Variants in DUSP10 observed in about 807,000 individuals in gnomAD.
DUSP10 encodes the protein dual specificity phosphatase 10, also known as dual specificity protein phosphatase 10.
In DUSP10, 14 loss-of-function variants were observed where a neutral mutation model predicts 30.8. That is an observed-to-expected ratio of 0.46 (90% CI 0.30 to 0.71). DUSP10 has a LOEUF of 0.71. Ranked by LOEUF, DUSP10 falls within the 30% of genes least tolerant of loss-of-function variation. DUSP10 has a pLI of 0.08. For synonymous variants in DUSP10, 254 were observed against 250.4 expected, an observed-to-expected ratio of 1.01 and a Z score of -0.14; for missense variants, 550 against 619.4, an observed-to-expected ratio of 0.89 and a Z score of 1.19.
At chr1:221,741,354 G>A (rs1661948010) in intron 1 of DUSP10, among the ~76,000 whole-genome samples, 1 of 152,174 alleles carries the variant, frequency 6.6e-6, no homozygotes. Flanking sequence ...TGAGAGGGAC[G>A]CATAAGCGTG....
chr1:221,727,199 T>C (rs1024699703), intron 2 of DUSP10, among the ~76,000 whole-genome samples: 1 of 152,150 alleles, frequency 6.6e-6, no homozygotes, highest in African/African-American at 2.4e-5. Flanking sequence ...ATAAACTGAA[T>C]ACAAATATAA....
At chr1:221,718,356 C>T (rs139962378) in intron 2 of DUSP10, among the ~76,000 whole-genome samples, 214 of 152,262 alleles carry the variant, frequency 1.4e-3, no homozygotes, top group Non-Finnish European at 2.5e-3. Flanking sequence ...TGGAGACATT[C>T]TGCGTACTGG....
Position 221,739,478 on chromosome 1 carries a change from G to A in DUSP10, c.267C>T (p.Asp89=). The A allele has an allele frequency of 6.2e-7, 1 of 1,614,172 alleles. No homozygotes were observed. Among genetic ancestry groups the A allele is most frequent in the Non-Finnish European group, 8.5e-7 (1 of 1,180,036 alleles). The part of the protein sequence containing the change: ...SCCTVATYDK[D]NQAQTQAIAA... ...CAATGGCTTGGGTTTGGGCCTGATT[G>A]TCCTTGTCGTAGGTTGCCACAGTGC... The change falls in exon 2 of 4, where the codon GAC becomes GAT. Residue 89 remains aspartate (D), a synonymous_variant. Coordinates refer to ENST00000366899, the MANE Select transcript of DUSP10 (RefSeq NM_007207.6).
chr1:221,717,747 G>C (rs748465923), intron 2 of DUSP10, among the ~76,000 whole-genome samples: 3 of 152,114 alleles, frequency 2.0e-5, no homozygotes, highest in Non-Finnish European at 4.4e-5. Context: ...TGCCTTGTGA[G>C]GGCACAGCAA....
Position 221,701,548 on chromosome 1 carries a change from T to C in DUSP10, c.*864A>G, listed in dbSNP as rs1660606010. 1 of 139,074 alleles carries C rather than the reference T, an allele frequency of 7.2e-6. No individual in the cohort carries two copies. Among genetic ancestry groups the C allele is most frequent in the Non-Finnish European group, 1.5e-5 (1 of 65,130 alleles). 8.6% of individuals were successfully genotyped at this position (139,074 alleles called of 1,614,324 possible). A position where few individuals can be genotyped will look rare whatever the true frequency, so the allele number is the denominator to read the frequency against. On this transcript the variant is annotated 3_prime_UTR_variant, in exon 4 of 4. Coordinates refer to ENST00000366899, the MANE Select transcript of DUSP10 (RefSeq NM_007207.6). ...TTTTTCTTACATTCTGATATACATA[T>C]GTAACAAGGTTTATGGCACTGTAAC...
intron 3 of DUSP10, among the ~76,000 whole-genome samples, chr1:221,703,113 T>G (rs980243590): frequency 1.3e-5 from 2 of 151,264 alleles, no homozygotes; most frequent in Admixed American, 6.6e-5. Context: ...AAAAAAAGAA[T>G]GAAGGAAAAG....
intron 2 of DUSP10, among the ~76,000 whole-genome samples, chr1:221,735,517 C>T (rs1661739859): frequency 6.6e-6 from 1 of 152,158 alleles, no homozygotes; most frequent in Admixed American, 6.5e-5. Context: ...ACACATTAAA[C>T]ATACTTAAAT....
chr1:221,739,911 A>G (rs1661900185), intron 1 of DUSP10, 124 bp from the exon 2 acceptor site: 2 of 969,768 alleles, frequency 2.1e-6, no homozygotes, highest in Non-Finnish European at 2.8e-6. Context: ...GCCCTTTATC[A>G]TACCATTATC....
chr1:221,716,320 G>A (rs892888974), intron 2 of DUSP10, among the ~76,000 whole-genome samples: 6 of 152,094 alleles, frequency 3.9e-5, no homozygotes, highest in African/African-American at 1.4e-4. Flanking sequence ...TCCCCATTCT[G>A]TCTCACAAAG....
At chr1:221,707,169 C>T (rs925561967) in intron 2 of DUSP10, among the ~76,000 whole-genome samples, 2 of 152,162 alleles carry the variant, frequency 1.3e-5, no homozygotes, top group African/African-American at 4.8e-5. Flanking sequence ...TCTCCTGGCA[C>T]ACAGTAGAAC....
At chr1:221,708,268 G>A (rs1453480067) in intron 2 of DUSP10, among the ~76,000 whole-genome samples, 1 of 152,200 alleles carries the variant, frequency 6.6e-6, no homozygotes, top group Non-Finnish European at 1.5e-5. Flanking sequence ...AAGTCTATCT[G>A]TCCACTAGCC....
chr1:221,731,609 T>C (rs927541731), intron 2 of DUSP10, among the ~76,000 whole-genome samples: 2 of 123,752 alleles, frequency 1.6e-5, no homozygotes, highest in Non-Finnish European at 3.3e-5. Flanking sequence ...TCTTTTTTTT[T>C]TTTTTTTTTT....
chr1:221,705,111 GTTTT>G (rs34627895), intron 3 of DUSP10, among the ~76,000 whole-genome samples: 1 of 142,000 alleles, frequency 7.0e-6, no homozygotes, highest in Non-Finnish European at 1.5e-5. Context: ...TATTTTGAGT[GTTTT>G]TTTTTTTTTT....
At position 221,702,691 on chromosome 1, in the gene DUSP10, G is replaced by A; in HGVS notation, c.1184-14C>T. 1 of 1,612,352 alleles carries A rather than the reference G, an allele frequency of 6.2e-7. No individual in the cohort carries two copies. Among genetic ancestry groups the A allele is most frequent in the Non-Finnish European group, 8.5e-7 (1 of 1,178,682 alleles). ...GGTGAGCTTCCTCTGAAAAAAGGGA[G>A]AAAGACAAGAGATGAAGGGAAGATG... On this transcript the variant is annotated splice_polypyrimidine_tract_variant and intron_variant, in intron 3 of 3. Transcript: ENST00000366899. The surrounding 1 kb of genome is among the most constrained non-coding windows in gnomAD (Gnocchi z 4.5).
At chr1:221,720,920 T>C (rs779466064) in intron 2 of DUSP10, among the ~76,000 whole-genome samples, 17 of 152,216 alleles carry the variant, frequency 1.1e-4, no homozygotes, top group Non-Finnish European at 1.8e-4. Flanking sequence ...TCCCTGTTTA[T>C]TGTTCTTATT....
intron 2 of DUSP10, among the ~76,000 whole-genome samples, chr1:221,715,744 TTG>T (rs1445038914): frequency 2.6e-5 from 4 of 152,124 alleles, no homozygotes; most frequent in Admixed American, 2.0e-4. Flanking sequence ...TTAAACAGCT[TTG>T]TGTTATTTTA....
At chr1:221,730,925 G>T (rs1294351347) in intron 2 of DUSP10, among the ~76,000 whole-genome samples, 1 of 151,972 alleles carries the variant, frequency 6.6e-6, no homozygotes, top group Non-Finnish European at 1.5e-5. Context: ...TCTTGCTCTT[G>T]GGTTATGGAT....
At chr1:221,711,096 G>C (rs569191165) in intron 2 of DUSP10, among the ~76,000 whole-genome samples, 1 of 152,186 alleles carries the variant, frequency 6.6e-6, no homozygotes, top group Non-Finnish European at 1.5e-5. Context: ...CTGCCTGCCA[G>C]TTTCTTCTAA....
intron 2 of DUSP10, among the ~76,000 whole-genome samples, chr1:221,727,611 G>T (rs371797356): frequency 2.6e-5 from 4 of 152,234 alleles, no homozygotes; most frequent in African/African-American, 9.6e-5. Context: ...TAATTCTGTG[G>T]TTTTTCAACA....
Sources: gnomAD v4.1 joint callset for allele counts (sites outside exome capture counted in the v4.1 genomes callset) on GRCh38, gnomAD v4.1.1 for gene constraint, Gnocchi (gnomAD v3.1) non-coding constraint, MANE v1.5 for transcripts, NCBI Gene and HGNC (gene_info 2026-07-23, HGNC 2026-07-21) for gene names.